The following CEP164 variants were observed in gnomAD, a reference collection of about 807,000 sequenced individuals.
The protein encoded by CEP164 is centrosomal protein 164.
A neutral mutation model predicts 182.7 loss-of-function variants in CEP164; 162 were observed. The observed-to-expected ratio is 0.89, with a 90% CI of 0.78 to 1.01. The LOEUF (loss-of-function observed/expected upper bound fraction) is 1.01. Ranked by LOEUF, CEP164 falls within the 50% of genes least tolerant of loss-of-function variation. CEP164 has a pLI of 0.00. For missense variants in CEP164, 1,735 were observed against 1,790.4 expected, an observed-to-expected ratio of 0.97 and a Z score of 0.56; for synonymous variants, 661 against 690.0, an observed-to-expected ratio of 0.96 and a Z score of 0.66.
In CEP164 at chr11:117,394,036, T is replaced by C. The variant is rs900877666; in HGVS notation, c.2617-314T>C. Among the ~76,000 whole-genome samples, 2 of 152,180 alleles carry C rather than the reference T, an allele frequency of 1.3e-5. No individual in the cohort carries two copies. The highest frequency in any genetic ancestry group is 2.9e-5 in the Non-Finnish European group (2 of 68,028). On this transcript the variant is annotated intron_variant, in intron 20 of 32. Transcript: ENST00000278935. This position sits in a 1 kb window ranked among gnomAD's most constrained non-coding sequence, Gnocchi z 4.0. The stretch of plus-strand genomic sequence containing the variant: ...AACCAATTATGACCTTGCTGAAGAA[T>C]AGTGATAATTTATCAGTGACCTCTC...
intron 2 of CEP164, among the ~76,000 whole-genome samples, chr11:117,336,786 G>T (rs1248939708): frequency 6.6e-6 from 1 of 151,974 alleles, no homozygotes; most frequent in East Asian, 1.9e-4. Context: ...AGGAAGTGGG[G>T]ACTGGAGAGG....
chr11:117,390,642 GAAAAA>G, intron 15 of CEP164, 130 bp from the exon 16 acceptor site: 2 of 971,468 alleles, frequency 2.1e-6, no homozygotes, highest in Non-Finnish European at 2.9e-6. Context: ...TCTCCAAAAA[GAAAAA>G]AAAAAAAAAA....
chr11:117,346,002 C>T (rs980447675), intron 4 of CEP164, among the ~76,000 whole-genome samples: 5 of 152,040 alleles, frequency 3.3e-5, no homozygotes, highest in Admixed American at 2.0e-4. Flanking sequence ...TCTTTTTAGC[C>T]GCCTTTCCTT....
At chr11:117,346,203 G>A (rs1282280535) in intron 4 of CEP164, among the ~76,000 whole-genome samples, 1 of 152,116 alleles carries the variant, frequency 6.6e-6, no homozygotes, top group Non-Finnish European at 1.5e-5. Flanking sequence ...TATGCCAGCT[G>A]CCTTTATATA....
At chr11:117,392,146 T>G in intron 17 of CEP164, 80 bp from the exon 18 acceptor site, 1 of 1,269,114 alleles carries the variant, frequency 7.9e-7, no homozygotes, top group South Asian at 1.7e-5. Context: ...GGCTTGGGGG[T>G]CGGTAGTCTT....
At chr11:117,324,907 A>G (rs1474147793), upstream of CEP164, among the ~76,000 whole-genome samples, 1 of 152,138 alleles carries the variant, frequency 6.6e-6, no homozygotes, top group Non-Finnish European at 1.5e-5. Flanking sequence ...GCAAACAAAC[A>G]AACAAACAAA....
chr11:117,393,167 A>G (rs1565583535), intron 20 of CEP164, 41 bp downstream of exon 20: 1 of 1,599,118 alleles, frequency 6.3e-7, no homozygotes, highest in South Asian at 1.1e-5. Flanking sequence ...ACACACATGC[A>G]CACACACATG....
chr11:117,349,584 C>G (rs2039367221), intron 4 of CEP164, among the ~76,000 whole-genome samples: 1 of 152,140 alleles, frequency 6.6e-6, no homozygotes, highest in South Asian at 2.1e-4. Context: ...CAGCTGGGCT[C>G]AAGGGATCCT....
Position 117,371,408 on chromosome 11 carries a change from C to G in CEP164, c.1094C>G (p.Ala365Gly). The change falls in exon 9 of 33, where the codon GCC (alanine) becomes GGC (glycine). Residue 365 changes from alanine (A) to glycine (G), a missense_variant. Transcript: ENST00000278935. ...GAGGGTTCCAGGAGGGAAGAGGCAG[C>G]CAAGGAGCCAAAGAAGAAGGCTTCT... ...GEEGSRREEA[A>G]KEPKKKASAL... The G allele has an allele frequency of 6.2e-7, 1 of 1,614,004 alleles. No homozygotes were observed. Among genetic ancestry groups the G allele is most frequent in the Non-Finnish European group, 8.5e-7 (1 of 1,179,978 alleles).
chr11:117,363,364 A>C, intron 7 of CEP164, 65 bp from the exon 8 acceptor site: 2 of 1,225,392 alleles, frequency 1.6e-6, no homozygotes, highest in Non-Finnish European at 2.4e-6. Flanking sequence ...TTCCCTCTGC[A>C]CACCCCTCAC....
chr11:117,410,028 C>A, intron 30 of CEP164, 63 bp downstream of exon 30: 1 of 1,431,538 alleles, frequency 7.0e-7, no homozygotes, highest in Non-Finnish European at 9.8e-7. Context: ...CCTTCCTTTT[C>A]TTCTACCCTC....
chr11:117,388,504 C>G (rs1359560961), intron 15 of CEP164, among the ~76,000 whole-genome samples: 1 of 152,214 alleles, frequency 6.6e-6, no homozygotes, highest in Non-Finnish European at 1.5e-5. Flanking sequence ...GGAATGGGCT[C>G]TCCTTCCGTC....
rs1206074891 is a variant in CEP164, at chr11:117,351,930, A to AG, written c.336dup (p.Lys113GlufsTer92). 4 of 1,612,226 alleles carry AG rather than the reference A, an allele frequency of 2.5e-6. No homozygotes were observed. The highest frequency in any genetic ancestry group is 2.5e-6 in the Non-Finnish European group (3 of 1,179,112). ...TCAACTTCTGGGGCCATTAAGAAGA[A>AG]GAAAAAAAAAAAGGAAAAGAAAGAC... On this transcript the variant is annotated frameshift_variant, in exon 5 of 33. Coordinates refer to ENST00000278935, the MANE Select transcript of CEP164 (RefSeq NM_014956.5). LOFTEE classifies it high-confidence loss of function.
chr11:117,400,639 G>A (rs1286990202), intron 27 of CEP164, among the ~76,000 whole-genome samples: 2 of 152,152 alleles, frequency 1.3e-5, no homozygotes, highest in Non-Finnish European at 2.9e-5. Context: ...TTTTCCATTT[G>A]TTTTTGTCCT....
At chr11:117,390,701 T>G in intron 15 of CEP164, 76 bp from the exon 16 acceptor site, 14 of 1,570,910 alleles carry the variant, frequency 8.9e-6, no homozygotes, top group East Asian at 2.3e-5. Flanking sequence ...TATTGGAGGC[T>G]GAGAGCCATA....
chr11:117,325,245 C>T (rs2134530838), upstream of CEP164, among the ~76,000 whole-genome samples: 1 of 151,986 alleles, frequency 6.6e-6, no homozygotes, highest in South Asian at 2.1e-4. Context: ...CCACCACGCC[C>T]AGTGAATTTT....
At chr11:117,401,429 C>A (rs1592442856) in intron 27 of CEP164, among the ~76,000 whole-genome samples, 1 of 152,078 alleles carries the variant, frequency 6.6e-6, no homozygotes, top group Non-Finnish European at 1.5e-5. Flanking sequence ...GGGATATTGG[C>A]CTGAAATTTT....
chr11:117,392,395 C>T (rs1798989671), intron 18 of CEP164, 92 bp downstream of exon 18: 3 of 1,565,582 alleles, frequency 1.9e-6, no homozygotes, highest in African/African-American at 1.3e-5. Context: ...TCTCTCCAGC[C>T]CTGGGGGATG....
In CEP164 at chr11:117,392,742, G is replaced by A. The variant is rs188819634; in HGVS notation, c.2493+115G>A. 52 of 1,434,124 alleles carry A rather than the reference G, an allele frequency of 3.6e-5. No individual in the cohort carries two copies. The Admixed American group carries it at 6.8e-4, about 19-fold the overall frequency. The allele number at this position is 1,434,124 out of a possible 1,614,324, so 88.8% of individuals were successfully genotyped here. On this transcript the variant is annotated intron_variant, in intron 19 of 32. Transcript: ENST00000278935. ...GTTTGCTTTGGATGGCTCAGCTGGG[G>A]TTAGCATTTCTAGTTCCCTTTTTAT...
Sources: gnomAD v4.1 joint callset for allele counts (sites outside exome capture counted in the v4.1 genomes callset) on GRCh38, gnomAD v4.1.1 for gene constraint, Gnocchi (gnomAD v3.1) non-coding constraint, MANE v1.5 for transcripts, NCBI Gene and HGNC (gene_info 2026-07-23, HGNC 2026-07-21) for gene names.